MSANTD7: variants seen among roughly 807,000 people sequenced by gnomAD.
MSANTD7 encodes zinc finger and SCAN domain containing 29.
At chr10:14,844,409 T>A in the MSANTD7 span, 2 of 994,528 alleles carry the variant, frequency 2.0e-6, no homozygotes, top group Non-Finnish European at 2.4e-6. Context: ...TGCTTGAATC[T>A]TTCCTTTGCT....
the MSANTD7 span, chr10:14,843,306 T>C: frequency 6.5e-7 from 1 of 1,539,796 alleles, no homozygotes; most frequent in Non-Finnish European, 8.8e-7. Flanking sequence ...TCAGCTCTGC[T>C]GCTGGCTCCA....
chr10:14,843,276 C>G, the MSANTD7 span: 2 of 1,456,284 alleles, frequency 1.4e-6, no homozygotes, highest in African/African-American at 2.8e-5. Context: ...CCAGGAACAA[C>G]CATAGTTTTA....
At chr10:14,844,658 A>G in the MSANTD7 span, 6 of 982,018 alleles carry the variant, frequency 6.1e-6, no homozygotes, top group Non-Finnish European at 6.0e-6. Context: ...GGGAGCCGCC[A>G]TTGTGTGTTA....
the MSANTD7 span, chr10:14,846,321 G>A: frequency 5.1e-6 from 5 of 985,384 alleles, no homozygotes; most frequent in African/African-American, 1.7e-5. Flanking sequence ...GTAGCAAAGT[G>A]CATAAGACAG....
At chr10:14,845,981 G>A in the MSANTD7 span, 5 of 933,086 alleles carry the variant, frequency 5.4e-6, no homozygotes, top group South Asian at 9.9e-5. Flanking sequence ...AAATGAAAAC[G>A]AAATTTTAAT....
chr10:14,846,354 G>C, the MSANTD7 span: 1 of 985,348 alleles, frequency 1.0e-6, no homozygotes, highest in Non-Finnish European at 1.2e-6. Flanking sequence ...GATGAAAGGA[G>C]TGCTGAAGAA....
chr10:14,843,502 C>CGCA, the MSANTD7 span: 1 of 1,550,662 alleles, frequency 6.4e-7, no homozygotes, highest in Non-Finnish European at 8.7e-7. Flanking sequence ...CAGCACCAAC[C>CGCA]GCAGCACTCC....
chr10:14,839,206 C>G, the MSANTD7 span, among the ~76,000 whole-genome samples: 19 of 152,360 alleles, frequency 1.2e-4, no homozygotes, highest in East Asian at 3.3e-3. Context: ...TCCGTTGCCA[C>G]TAGTCCCGCG....
At chr10:14,838,439 G>A in the MSANTD7 span, 1 of 1,606,124 alleles carries the variant, frequency 6.2e-7, no homozygotes, top group South Asian at 1.1e-5. Context: ...CTGCACCTCA[G>A]CCTGTGTGGC....
chr10:14,843,359 T>C, the MSANTD7 span: 1 of 1,550,690 alleles, frequency 6.4e-7, no homozygotes, highest in South Asian at 1.2e-5. Flanking sequence ...ACATTGTTGC[T>C]TTGTTTTTCA....
chr10:14,843,249 TG>T, the MSANTD7 span: 2 of 1,225,104 alleles, frequency 1.6e-6, no homozygotes, highest in Non-Finnish European at 2.3e-6. Flanking sequence ...TCCCAGTCCC[TG>T]GTGGAAAGAG....
chr10:14,843,331 A>G, the MSANTD7 span: 2 of 1,548,968 alleles, frequency 1.3e-6, no homozygotes, highest in Admixed American at 2.0e-5. Context: ...TTCCCTTAGC[A>G]GGAATGTTCT....
the MSANTD7 span, chr10:14,845,860 C>T: frequency 3.2e-6 from 1 of 312,904 alleles, no homozygotes; most frequent in Non-Finnish European, 4.7e-6. Context: ...CCGTGCCCAG[C>T]CAATTCATGC....
chr10:14,838,473 G>A, the MSANTD7 span: 2 of 1,598,372 alleles, frequency 1.3e-6, no homozygotes, highest in Non-Finnish European at 1.7e-6. Flanking sequence ...AGGGGCTGCG[G>A]AGCTGGGCTA....
the MSANTD7 span, chr10:14,842,040 G>A: frequency 1.1e-6 from 1 of 904,628 alleles, no homozygotes; most frequent in Middle Eastern, 2.2e-4. This position sits in a 1 kb window ranked among gnomAD's most constrained non-coding sequence, Gnocchi z 5.2. Flanking sequence ...CCTCATGCCT[G>A]TTTATGACCT....
chr10:14,845,544 T>A, the MSANTD7 span: 2 of 984,812 alleles, frequency 2.0e-6, no homozygotes, highest in Non-Finnish European at 2.4e-6. Flanking sequence ...TGGATTGGAA[T>A]CCTGTCACAG....
At chr10:14,841,983 G>A in the MSANTD7 span, 7 of 492,916 alleles carry the variant, frequency 1.4e-5, no homozygotes, top group South Asian at 7.4e-5. Context: ...TCTTGGTGCC[G>A]TGTCTACCCT....
chr10:14,838,513 G>A, the MSANTD7 span: 1 of 1,513,078 alleles, frequency 6.6e-7, no homozygotes, highest in Non-Finnish European at 8.9e-7. Context: ...CGGTTTTCTG[G>A]CGCTGGGTCA....
chr10:14,844,268 C>A, the MSANTD7 span: 1 of 1,079,406 alleles, frequency 9.3e-7, no homozygotes, highest in Non-Finnish European at 1.1e-6. Flanking sequence ...TCACGTAGTT[C>A]ATAGATGTGA....
Sources: gnomAD v4.1 joint callset for allele counts (sites outside exome capture counted in the v4.1 genomes callset) on GRCh38, gnomAD v4.1.1 for gene constraint, Gnocchi (gnomAD v3.1) non-coding constraint, MANE v1.5 for transcripts, NCBI Gene and HGNC (gene_info 2026-07-23, HGNC 2026-07-21) for gene names.